Variants in MACROD2 observed in about 807,000 individuals in gnomAD.
MACROD2 encodes ADP-ribose glycohydrolase MACROD2.
Under a neutral mutation model 70.4 loss-of-function variants are expected in MACROD2, and 36 were observed. The ratio of observed to expected loss-of-function variants is 0.51; its 90% CI spans 0.39 to 0.68. The LOEUF is 0.68. MACROD2 is among the 30% of genes least tolerant of loss of function. The pLI is 0.00. For missense variants in MACROD2, 496 were observed against 538.4 expected (o/e 0.92, Z 0.78); for synonymous variants, 172 against 178.8 (o/e 0.96, Z 0.30).
At chr20:15,065,575 AC>A (rs1331181064) in intron 5 of MACROD2, among the ~76,000 whole-genome samples, 1 of 150,896 alleles carries the variant, frequency 6.6e-6, no homozygotes, top group Admixed American at 6.6e-5. Context: ...AATGGCGTGA[AC>A]CTGGGAGGCG....
chr20:16,016,495 T>C (rs1048076086), intron 15 of MACROD2, among the ~76,000 whole-genome samples: 1 of 152,296 alleles, frequency 6.6e-6, no homozygotes, highest in Admixed American at 6.5e-5. Context: ...ATCTCTCCAG[T>C]TGGATGTCTC....
intron 3 of MACROD2, among the ~76,000 whole-genome samples, chr20:14,415,794 C>T (rs1221914526): frequency 6.6e-6 from 1 of 152,128 alleles, no homozygotes; most frequent in Non-Finnish European, 1.5e-5. Flanking sequence ...GTGGTCTATC[C>T]TTTCCTGGTA....
chr20:14,249,801 T>C (rs899735730), intron 3 of MACROD2, among the ~76,000 whole-genome samples: 2 of 152,102 alleles, frequency 1.3e-5, no homozygotes, highest in African/African-American at 4.8e-5. Context: ...AGCCATACAA[T>C]ATACTACGAC....
intron 13 of MACROD2, among the ~76,000 whole-genome samples, chr20:15,983,970 T>C (rs569223999): frequency 5.3e-5 from 8 of 152,300 alleles, no homozygotes; most frequent in South Asian, 2.1e-4. Context: ...TATTTAATAA[T>C]GTTTCTTGTA....
chr20:15,084,072 G>GTTTTTGTTTTTTTGTTTTTTT (rs760667936), intron 5 of MACROD2, among the ~76,000 whole-genome samples: 2 of 31,776 alleles, frequency 6.3e-5, no homozygotes, highest in African/African-American at 8.7e-5. Context: ...TTTTTTTTTT[G>GTTTTTGTTTTTTTGTTTTTTT]TTTTTTTTTT....
intron 5 of MACROD2, among the ~76,000 whole-genome samples, chr20:15,055,095 G>A (rs1183694280): frequency 4.0e-5 from 6 of 151,854 alleles, no homozygotes; most frequent in Middle Eastern, 3.2e-3. Flanking sequence ...GATTACAGGC[G>A]CCTTCCACCA....
At chr20:15,600,980 A>G (rs1473170268) in intron 8 of MACROD2, among the ~76,000 whole-genome samples, 1 of 152,256 alleles carries the variant, frequency 6.6e-6, no homozygotes. Context: ...GAACTCCTCT[A>G]CATCATGCTT....
intron 2 of MACROD2, among the ~76,000 whole-genome samples, chr20:14,078,005 C>T (rs1254282149): frequency 6.6e-6 from 1 of 151,228 alleles, no homozygotes; most frequent in Non-Finnish European, 1.5e-5. Flanking sequence ...TGGGTTCAAG[C>T]GATTCTCCTG....
intron 8 of MACROD2, among the ~76,000 whole-genome samples, chr20:15,761,208 G>A (rs1294910540): frequency 6.6e-6 from 1 of 152,134 alleles, no homozygotes; most frequent in Non-Finnish European, 1.5e-5. Flanking sequence ...ACCAGGTCCA[G>A]CTAATTTTTA....
At chr20:15,379,289 T>C (rs1239254334) in intron 6 of MACROD2, among the ~76,000 whole-genome samples, 2 of 152,184 alleles carry the variant, frequency 1.3e-5, no homozygotes, top group Non-Finnish European at 2.9e-5. Flanking sequence ...ACTTTTCCAC[T>C]GGGCTTCAAA....
chr20:14,268,922 A>G (rs1193310979), intron 3 of MACROD2, among the ~76,000 whole-genome samples: 2 of 152,204 alleles, frequency 1.3e-5, no homozygotes, highest in African/African-American at 4.8e-5. Flanking sequence ...AAATATCAAC[A>G]TCATGGTTGA....
At chr20:15,020,598 T>C (rs745627348) in intron 5 of MACROD2, among the ~76,000 whole-genome samples, 12 of 152,226 alleles carry the variant, frequency 7.9e-5, no homozygotes, top group Middle Eastern at 3.4e-3. Flanking sequence ...AATGTCGTCA[T>C]CATGTGAACA....
At chr20:15,173,290 G>C (rs2076436543) in intron 5 of MACROD2, among the ~76,000 whole-genome samples, 1 of 152,098 alleles carries the variant, frequency 6.6e-6, no homozygotes, top group African/African-American at 2.4e-5. Flanking sequence ...ATATTTGCTT[G>C]GATGAGAAAG....
In MACROD2 at chr20:15,310,213, T is replaced by G. The variant is rs142990278; in HGVS notation, c.540+80152T>G. Among the ~76,000 whole-genome samples the G allele has an allele frequency of 3.9e-3, 586 of 152,132 alleles. 1 individual carries two copies. The highest frequency in any genetic ancestry group is 0.013 in the African/African-American group (536 of 41,406). On this transcript the variant is annotated intron_variant, in intron 6 of 17. Coordinates refer to ENST00000684519, the MANE Select transcript of MACROD2 (RefSeq NM_001351661.2). The stretch of plus-strand genomic sequence containing the variant: ...GGAAAGAGTAACTTTTTAAATTATT[T>G]TATTTTATTTTTCTTTTACTATGCT...
chr20:14,059,054 T>C (rs1264416237), intron 2 of MACROD2, among the ~76,000 whole-genome samples: 3 of 152,196 alleles, frequency 2.0e-5, no homozygotes, highest in African/African-American at 7.2e-5. Flanking sequence ...GGGTTAACTT[T>C]AATTCTCCTG....
intron 7 of MACROD2, among the ~76,000 whole-genome samples, chr20:15,476,852 G>A (rs2047028699): frequency 6.6e-6 from 1 of 152,142 alleles, no homozygotes; most frequent in Non-Finnish European, 1.5e-5. Context: ...TGATAAATGT[G>A]TTTGATTTCA....
chr20:14,047,805 T>G (rs749283806), intron 2 of MACROD2, among the ~76,000 whole-genome samples: 6 of 152,174 alleles, frequency 3.9e-5, no homozygotes, highest in Non-Finnish European at 7.3e-5. Context: ...ATACAGTGCA[T>G]GTAGCAGAAG....
At chr20:15,814,321 A>G (rs1165748788) in intron 8 of MACROD2, among the ~76,000 whole-genome samples, 1 of 152,182 alleles carries the variant, frequency 6.6e-6, no homozygotes, top group Non-Finnish European at 1.5e-5. Context: ...TGCCAGTGAC[A>G]AGAAATTAAC....
chr20:15,017,157 G>A (rs1403447122), intron 5 of MACROD2, among the ~76,000 whole-genome samples: 1 of 152,146 alleles, frequency 6.6e-6, no homozygotes, highest in Non-Finnish European at 1.5e-5. Flanking sequence ...TGTAAAATCA[G>A]AAGCAAGGTA....
Sources: allele counts gnomAD v4.1 joint callset (sites outside exome capture counted in the v4.1 genomes callset), GRCh38; gene constraint gnomAD v4.1.1; transcripts MANE v1.5; gene names NCBI Gene and HGNC (gene_info 2026-07-23, HGNC 2026-07-21).